The following ERG variants were observed in gnomAD, a reference collection of about 807,000 sequenced individuals.
The protein encoded by ERG is transcriptional regulator ERG.
In ERG, 9 loss-of-function variants were observed where a neutral mutation model predicts 55.3. The ratio of observed to expected loss-of-function variants is 0.16; its 90% CI spans 0.10 to 0.28. ERG has a LOEUF of 0.28. Ranked by LOEUF, ERG falls within the 10% of genes least tolerant of loss-of-function variation. The pLI is 1.00. For synonymous variants in ERG, 223 were observed against 237.3 expected, an observed-to-expected ratio of 0.94 and a Z score of 0.55; for missense variants, 434 against 631.6, an observed-to-expected ratio of 0.69 and a Z score of 3.35.
chr21:38,639,421 T>TA (rs1389945723), intron 1 of ERG, among the ~76,000 whole-genome samples: 2 of 150,816 alleles, frequency 1.3e-5, no homozygotes, highest in African/African-American at 4.9e-5. Context: ...ATACAGCCAT[T>TA]AAAAAAACAG....
chr21:38,421,141 A>T (rs1016012143), intron 3 of ERG, among the ~76,000 whole-genome samples: 1 of 152,192 alleles, frequency 6.6e-6, no homozygotes, highest in Admixed American at 6.5e-5. Context: ...CAACAGGAAC[A>T]GCCCCCTGTT....
chr21:38,548,280 G>C (rs1268063533), intron 2 of ERG, among the ~76,000 whole-genome samples: 1 of 151,984 alleles, frequency 6.6e-6, no homozygotes, highest in East Asian at 1.9e-4. Context: ...GTACCACCAA[G>C]AAATCAAAAC....
intron 1 of ERG, among the ~76,000 whole-genome samples, chr21:38,464,429 G>A (rs149361673): frequency 1.3e-5 from 2 of 152,134 alleles, no homozygotes; most frequent in Non-Finnish European, 2.9e-5. Context: ...GACACACTGT[G>A]GAAAGCAATT....
At chr21:38,374,236 A>G in the ERG span, among the ~76,000 whole-genome samples, 1 of 152,208 alleles carries the variant, frequency 6.6e-6, no homozygotes, top group Non-Finnish European at 1.5e-5. Context: ...ACAGATGAAT[A>G]ATGTACACTG....
At chr21:38,589,183 C>G (rs1421265290), upstream of ERG, among the ~76,000 whole-genome samples, 1 of 152,162 alleles carries the variant, frequency 6.6e-6, no homozygotes, top group Non-Finnish European at 1.5e-5. Context: ...AGAAAGAAAA[C>G]TCCAGAAAAG....
intron 2 of ERG, among the ~76,000 whole-genome samples, chr21:38,509,695 A>G (rs565691526): frequency 3.3e-5 from 5 of 152,032 alleles, no homozygotes; most frequent in Non-Finnish European, 7.4e-5. Context: ...CAGCCCATCA[A>G]CCTCAGATTA....
At position 38,527,235 on chromosome 21, in the gene ERG, G is replaced by A. The variant is rs139838332; in HGVS notation, c.-41+48427C>T. 4.6e-4 allele frequency among the ~76,000 whole-genome samples: 70 copies of A among 152,300 alleles called. 1 individual carries two copies. In the East Asian group the frequency reaches 0.012, roughly 26 times the overall value. The stretch of plus-strand genomic sequence containing the variant: ...AGAAGAAGATTCGACATGGAGTGCG[G>A]CAAGAATGTGTTCTAGTCCTTGAAG... On this transcript the variant is annotated intron_variant, in intron 2 of 8. Coordinates refer to the ERG transcript ENST00000398897.
At chr21:38,403,978 T>C (rs1988640833) in intron 3 of ERG, among the ~76,000 whole-genome samples, 1 of 152,216 alleles carries the variant, frequency 6.6e-6, no homozygotes, top group African/African-American at 2.4e-5. Flanking sequence ...AAGTTTCCTG[T>C]AGGCATAAGA....
At position 38,618,741 on chromosome 21, in the gene ERG, G is replaced by C. The variant is rs184306620; in HGVS notation, c.-149-33796C>G. Among the ~76,000 whole-genome samples the C allele has an allele frequency of 1.7e-3, 265 of 152,314 alleles. 1 individual carries two copies. Among genetic ancestry groups the C allele is most frequent in the African/African-American group, 6.0e-3 (251 of 41,556 alleles). On this transcript the variant is annotated intron_variant, in intron 1 of 10. Transcript: ENST00000398910. ...ATCACCCTCTGTGGGGCAGGAGACA[G>C]AGTGAGCAGAGGTTAGTCACATCCA...
At chr21:38,566,173 G>A (rs10483047) in intron 2 of ERG, among the ~76,000 whole-genome samples, 24,884 of 152,060 alleles carry the variant, frequency 0.16, 2,179 homozygotes, top group East Asian at 0.33. Context: ...GGGATTTTGC[G>A]ATCAGAAGGT....
chr21:38,503,895 G>A (rs2059440625), intron 2 of ERG, among the ~76,000 whole-genome samples: 1 of 152,110 alleles, frequency 6.6e-6, no homozygotes, highest in African/African-American at 2.4e-5. Flanking sequence ...GACACTCTCA[G>A]CCCTCAAGGG....
rs966761303 is a variant in ERG, at chr21:38,380,277, G to T, written c.*3126C>A. 12 of 1,056,292 alleles carry T rather than the reference G, an allele frequency of 1.1e-5. No homozygotes were observed. Among genetic ancestry groups the T allele is most frequent in the Non-Finnish European group, 1.4e-5 (12 of 873,778 alleles). 65.4% of individuals were successfully genotyped at this position (1,056,292 alleles called of 1,614,324 possible). ...CTGCTGTCAGAGGGCAGCTCCTCCGGCTCCTGCTCCTGGGTTGCAGGTGCC... is the reference window on the plus strand; with the variant it reads ...CTGCTGTCAGAGGGCAGCTCCTCCGTCTCCTGCTCCTGGGTTGCAGGTGCC... On this transcript the variant is annotated 3_prime_UTR_variant, in exon 10 of 10. Coordinates refer to ENST00000288319, the MANE Select transcript of ERG (RefSeq NM_182918.4).
intron 1 of ERG, among the ~76,000 whole-genome samples, chr21:38,659,986 T>C (rs1423703153): frequency 6.6e-6 from 1 of 152,114 alleles, no homozygotes; most frequent in Non-Finnish European, 1.5e-5. Flanking sequence ...ACTTAACAGC[T>C]GCAGGCTGAA....
At chr21:38,563,155 T>C (rs1329787659) in intron 2 of ERG, among the ~76,000 whole-genome samples, 1 of 152,200 alleles carries the variant, frequency 6.6e-6, no homozygotes, top group African/African-American at 2.4e-5. Flanking sequence ...TCAGTGAATT[T>C]GAGGGGCAGT....
At chr21:38,511,012 G>A (rs1301659376) in intron 2 of ERG, among the ~76,000 whole-genome samples, 9 of 152,188 alleles carry the variant, frequency 5.9e-5, no homozygotes, top group Non-Finnish European at 5.9e-5. Context: ...CCAACATTCA[G>A]TATGTAAGGG....
chr21:38,638,099 G>C (rs1158101513), intron 1 of ERG, among the ~76,000 whole-genome samples: 5 of 152,072 alleles, frequency 3.3e-5, no homozygotes. Context: ...GATCTGGTAG[G>C]GGGGCCTGGT....
At chr21:38,408,457 A>T (rs548072036) in intron 3 of ERG, among the ~76,000 whole-genome samples, 1 of 152,352 alleles carries the variant, frequency 6.6e-6, no homozygotes, top group East Asian at 1.9e-4. Context: ...GTTCTCACAG[A>T]GGAAACACTT....
intron 2 of ERG, among the ~76,000 whole-genome samples, chr21:38,515,652 C>T (rs921686740): frequency 7.2e-5 from 11 of 151,924 alleles, no homozygotes; most frequent in African/African-American, 2.4e-4. Context: ...TCCTGATGAA[C>T]ATCACTTCAG....
At chr21:38,402,291 T>C (rs913184811) in intron 5 of ERG, among the ~76,000 whole-genome samples, 1 of 152,148 alleles carries the variant, frequency 6.6e-6, no homozygotes, top group Non-Finnish European at 1.5e-5. Context: ...TGAGCTAAGT[T>C]ATGGCTAAAG....
Sources: gnomAD v4.1 joint callset for allele counts (sites outside exome capture counted in the v4.1 genomes callset) on GRCh38, gnomAD v4.1.1 for gene constraint, MANE v1.5 for transcripts, NCBI Gene and HGNC (gene_info 2026-07-23, HGNC 2026-07-21) for gene names.